NEDD4L: variants seen among roughly 807,000 people sequenced by gnomAD.
NEDD4L encodes the protein E3 ubiquitin-protein ligase NEDD4-like.
In NEDD4L, 54 loss-of-function variants were observed where a neutral mutation model predicts 148.9. The observed-to-expected ratio is 0.36, with a 90% CI of 0.29 to 0.45. NEDD4L has a LOEUF of 0.45. Ranked by LOEUF, NEDD4L falls within the 20% of genes least tolerant of loss-of-function variation. The pLI, the probability that NEDD4L is intolerant of heterozygous loss-of-function variation, is 1.00. For missense variants in NEDD4L, 856 were observed against 1,233.8 expected (o/e 0.69, Z 4.59); for synonymous variants, 433 against 440.7 (o/e 0.98, Z 0.22).
chr18:58,173,763 C>T (rs1221108834), intron 2 of NEDD4L, among the ~76,000 whole-genome samples: 1 of 152,192 alleles, frequency 6.6e-6, no homozygotes, highest in Non-Finnish European at 1.5e-5. Context: ...GTACTGTTCT[C>T]ACAAAATTAA....
At chr18:58,231,479 A>G (rs919254644) in intron 2 of NEDD4L, among the ~76,000 whole-genome samples, 124 of 152,038 alleles carry the variant, frequency 8.2e-4, no homozygotes, top group Non-Finnish European at 8.5e-4. Context: ...GTGAATAGAC[A>G]CCAGGGCTGA....
At chr18:58,075,509 G>T (rs1311026001) in intron 1 of NEDD4L, among the ~76,000 whole-genome samples, 1 of 152,196 alleles carries the variant, frequency 6.6e-6, no homozygotes, top group African/African-American at 2.4e-5. Context: ...GAGTGCAGTG[G>T]TGTGATCATA....
intron 1 of NEDD4L, among the ~76,000 whole-genome samples, chr18:58,116,288 GA>G: frequency 6.6e-6 from 1 of 152,186 alleles, no homozygotes; most frequent in Middle Eastern, 3.2e-3. Flanking sequence ...TAATTTTATG[GA>G]AGTGGAAAAT....
chr18:58,108,880 T>C (rs17693689), intron 1 of NEDD4L, among the ~76,000 whole-genome samples: 12,856 of 152,238 alleles, frequency 0.084, 623 homozygotes, highest in Non-Finnish European at 0.11. Flanking sequence ...CTGTGAAAAG[T>C]GGATAACTGT....
intron 1 of NEDD4L, 145 bp downstream of exon 1, chr18:58,044,853 T>G (rs1265667084): frequency 2.0e-6 from 2 of 999,202 alleles, no homozygotes; most frequent in Non-Finnish European, 2.8e-6. Context: ...CGGAGCGGGA[T>G]CCAGGGGAGC....
At chr18:58,139,584 A>G (rs1446106877) in intron 1 of NEDD4L, among the ~76,000 whole-genome samples, 1 of 152,210 alleles carries the variant, frequency 6.6e-6, no homozygotes, top group Non-Finnish European at 1.5e-5. Flanking sequence ...AAAAATTGAC[A>G]ATCCCCTAAC....
At chr18:58,158,010 T>A (rs763650641) in intron 1 of NEDD4L, among the ~76,000 whole-genome samples, 1 of 152,248 alleles carries the variant, frequency 6.6e-6, no homozygotes, top group Non-Finnish European at 1.5e-5. Context: ...GTGGCTTAAC[T>A]GGGTGGTTCT....
At position 58,396,157 on chromosome 18, in the gene NEDD4L, C is replaced by T. The variant is rs2147122429; in HGVS notation, c.2826-10C>T. On this transcript the variant is annotated splice_polypyrimidine_tract_variant and intron_variant, in intron 30 of 30. Transcript: ENST00000400345. The stretch of plus-strand genomic sequence containing the variant: ...TGGCTTTTCACCTACACTTTTTGTT[C>T]CTTTTGCAGCTTTAATCGCCTTGAC... The T allele has an allele frequency of 3.7e-6, 6 of 1,600,916 alleles. No individual in the cohort carries two copies. The East Asian group carries it at 1.1e-4, about 30-fold the overall frequency.
At chr18:58,055,066 C>T (rs1428741627) in intron 1 of NEDD4L, among the ~76,000 whole-genome samples, 8 of 152,018 alleles carry the variant, frequency 5.3e-5, no homozygotes, top group African/African-American at 1.4e-4. Flanking sequence ...TTTAATACCA[C>T]GAAGATGTCA....
chr18:58,202,609 G>A (rs971478268), intron 2 of NEDD4L, among the ~76,000 whole-genome samples: 7 of 152,194 alleles, frequency 4.6e-5, no homozygotes, highest in Admixed American at 1.3e-4. Flanking sequence ...TCCTCCTGGT[G>A]CGCTCCTCCA....
intron 16 of NEDD4L, among the ~76,000 whole-genome samples, chr18:58,346,257 A>G (rs1458120985): frequency 6.6e-6 from 1 of 152,216 alleles, no homozygotes; most frequent in African/African-American, 2.4e-5. Context: ...AAAATGATCC[A>G]AAGTCTGAAA....
chr18:58,275,815 A>C (rs2051836872), intron 5 of NEDD4L, among the ~76,000 whole-genome samples: 3 of 152,196 alleles, frequency 2.0e-5, no homozygotes, highest in Admixed American at 6.5e-5. Context: ...CTTAACAAGC[A>C]GGAAGTCTGC....
At chr18:58,092,801 A>G (rs945245844) in intron 1 of NEDD4L, among the ~76,000 whole-genome samples, 1 of 149,428 alleles carries the variant, frequency 6.7e-6, no homozygotes, top group Non-Finnish European at 1.5e-5. Context: ...TAAAAGGTAA[A>G]ATTCTCTCCC....
intron 14 of NEDD4L, 24 bp downstream of exon 14, chr18:58,341,193 A>C (rs779761586): frequency 6.2e-7 from 1 of 1,609,804 alleles, no homozygotes; most frequent in Non-Finnish European, 8.5e-7. Flanking sequence ...CATCCAACTT[A>C]AAACCGCAGG....
At chr18:58,379,543 A>C (rs1302571885) in intron 24 of NEDD4L, among the ~76,000 whole-genome samples, 2 of 152,132 alleles carry the variant, frequency 1.3e-5, no homozygotes, top group Admixed American at 1.3e-4. Flanking sequence ...GCCCGCAGGG[A>C]ATCTGTGTGC....
chr18:58,108,797 C>T (rs1335964763), intron 1 of NEDD4L, among the ~76,000 whole-genome samples: 1 of 152,200 alleles, frequency 6.6e-6, no homozygotes, highest in East Asian at 1.9e-4. Flanking sequence ...GGGTTTAAAT[C>T]CTGGCTCTGT....
intron 5 of NEDD4L, among the ~76,000 whole-genome samples, chr18:58,304,734 G>A (rs144757962): frequency 6.6e-6 from 1 of 152,200 alleles, no homozygotes; most frequent in Non-Finnish European, 1.5e-5. Flanking sequence ...AACCCATTAT[G>A]TAGTTAGCTC....
At chr18:58,111,114 C>A (rs542323251) in intron 1 of NEDD4L, among the ~76,000 whole-genome samples, 45 of 152,286 alleles carry the variant, frequency 3.0e-4, no homozygotes, top group African/African-American at 1.1e-3. Context: ...GTCGCCCAGG[C>A]TGGAGTGGAG....
At chr18:58,139,013 AGCCTAAG>A (rs1045282878) in intron 1 of NEDD4L, among the ~76,000 whole-genome samples, 2 of 152,216 alleles carry the variant, frequency 1.3e-5, no homozygotes, top group Non-Finnish European at 2.9e-5. Context: ...TGAATCATCC[AGCCTAAG>A]GCCCATGCCT....
Sources: gnomAD v4.1 joint callset for allele counts (sites outside exome capture counted in the v4.1 genomes callset) on GRCh38, gnomAD v4.1.1 for gene constraint, MANE v1.5 for transcripts, NCBI Gene and HGNC (gene_info 2026-07-23, HGNC 2026-07-21) for gene names.